Variants in NFASC observed in about 807,000 individuals in gnomAD.
The protein encoded by NFASC is neurofascin, also known as neurofascin homolog.
NFASC carries 43 observed loss-of-function variants against 147.5 expected under a neutral mutation model. The ratio of observed to expected loss-of-function variants is 0.29; its 90% CI spans 0.23 to 0.38. The LOEUF is 0.38. Ranked by LOEUF, NFASC falls within the 10% of genes least tolerant of loss-of-function variation. NFASC has a pLI of 1.00. For missense variants in NFASC, 1,320 were observed against 1,689.0 expected (o/e 0.78, Z 3.83); for synonymous variants, 622 against 665.5 (o/e 0.93, Z 1.01).
chr1:204,909,881 C>T (rs2086928819), intron 1 of NFASC, among the ~76,000 whole-genome samples: 1 of 151,758 alleles, frequency 6.6e-6, no homozygotes, highest in Non-Finnish European at 1.5e-5. Flanking sequence ...TATCAAAAAT[C>T]AGTTAAGTAT....
intron 1 of NFASC, among the ~76,000 whole-genome samples, chr1:204,848,849 A>G (rs1182662046): frequency 6.6e-6 from 1 of 152,232 alleles, no homozygotes; most frequent in African/African-American, 2.4e-5. Flanking sequence ...GCTTAGAAGC[A>G]AAGCGTTCAT....
intron 1 of NFASC, among the ~76,000 whole-genome samples, chr1:204,877,240 T>G (rs558037928): frequency 3.2e-4 from 49 of 151,536 alleles, no homozygotes; most frequent in African/African-American, 1.1e-3. Flanking sequence ...TACATACATC[T>G]CATGTTCACT....
intron 11 of NFASC, among the ~76,000 whole-genome samples, chr1:204,973,011 C>A (rs1339162140): frequency 6.6e-6 from 1 of 152,226 alleles, no homozygotes; most frequent in African/African-American, 2.4e-5. Flanking sequence ...CTCTCAACCA[C>A]AACTGCCCAA....
chr1:204,844,987 G>A (rs1191305144), intron 1 of NFASC, among the ~76,000 whole-genome samples: 1 of 152,110 alleles, frequency 6.6e-6, no homozygotes, highest in Admixed American at 6.5e-5. Flanking sequence ...GAAGAGAAAG[G>A]AATGTGCTTA....
chr1:204,970,196 T>C (rs907774931), intron 10 of NFASC, among the ~76,000 whole-genome samples: 1 of 150,972 alleles, frequency 6.6e-6, no homozygotes, highest in Non-Finnish European at 1.5e-5. Flanking sequence ...AGGGACCAAC[T>C]CAGTGCCCAC....
At chr1:204,864,477 C>T (rs1030119784) in intron 1 of NFASC, among the ~76,000 whole-genome samples, 2 of 152,214 alleles carry the variant, frequency 1.3e-5, no homozygotes, top group South Asian at 4.1e-4. Context: ...TTTACATTCC[C>T]ATCCAGCAGT....
intron 1 of NFASC, among the ~76,000 whole-genome samples, chr1:204,906,874 G>A (rs548143694): frequency 2.0e-5 from 3 of 152,102 alleles, no homozygotes; most frequent in Admixed American, 6.5e-5. Flanking sequence ...TAGTAGAGAC[G>A]GGGTTTCACC....
chr1:204,970,024 C>T (rs1420214331), intron 10 of NFASC, among the ~76,000 whole-genome samples: 2 of 139,658 alleles, frequency 1.4e-5, no homozygotes, highest in African/African-American at 2.7e-5. Flanking sequence ...TGCAGTGAGC[C>T]AAGATTGCGC....
intron 2 of NFASC, among the ~76,000 whole-genome samples, chr1:204,939,037 G>T (rs2625216): frequency 0.16 from 10,501 of 65,224 alleles, 743 homozygotes; most frequent in African/African-American, 0.3. Context: ...TGTATGGATG[G>T]ATGTGTGTGT....
chr1:204,944,557 C>G (rs2093586476), intron 3 of NFASC, 151 bp downstream of exon 3: 1 of 696,068 alleles, frequency 1.4e-6, no homozygotes, highest in Non-Finnish European at 2.3e-6. Flanking sequence ...GGGTTTCTCT[C>G]CAAAGAATTG....
chr1:204,991,339 G>A (rs1273569182), intron 24 of NFASC, 33 bp downstream of exon 24: 1 of 1,608,764 alleles, frequency 6.2e-7, no homozygotes. Flanking sequence ...AATGGGCATG[G>A]CATGGGGCAG....
chr1:204,997,034 C>A, intron 24 of NFASC, 136 bp from the exon 25 acceptor site: 1 of 1,357,412 alleles, frequency 7.4e-7, no homozygotes. Flanking sequence ...TGACCCAGTC[C>A]GTTATGCTTG....
chr1:205,017,607 G>A lies in NFASC; in HGVS notation c.*1068G>A, dbSNP rs1266626585. ...CCCATGCTGCCACCCTCGAGGAGAT[G>A]GAACCCTGTGATGCAAAAGCTTTGC... On this transcript the variant is annotated 3_prime_UTR_variant, in exon 30 of 30. Coordinates refer to ENST00000339876, the MANE Select transcript of NFASC (RefSeq NM_001005388.3). 3.3e-5 allele frequency: 5 copies of A among 152,740 alleles called. No homozygotes were observed. Among genetic ancestry groups the A allele is most frequent in the Non-Finnish European group, 7.3e-5 (5 of 68,110 alleles). 9.5% of individuals were successfully genotyped at this position (152,740 alleles called of 1,614,324 possible).
At chr1:204,895,509 G>A (rs1303242630) in intron 1 of NFASC, among the ~76,000 whole-genome samples, 2 of 152,292 alleles carry the variant, frequency 1.3e-5, no homozygotes, top group East Asian at 1.9e-4. Context: ...CATTCTCACA[G>A]CTTTTACTCA....
chr1:204,981,442 GAGA>G (rs1316435992), intron 20 of NFASC, among the ~76,000 whole-genome samples: 1 of 152,278 alleles, frequency 6.6e-6, no homozygotes, highest in Non-Finnish European at 1.5e-5. Flanking sequence ...TCTGACTTTG[GAGA>G]AGTTTACCTT....
rs147660278 is a variant in NFASC at position 204,971,251 on chromosome 1, G to C, written c.1135+504G>C. ...ATGAGGAAGAACTGCCCCCAGAAGA[G>C]CAGATGTACAAGTGCACTTTATCGA... is the stretch of plus-strand genomic sequence containing the variant. On this transcript the variant is annotated intron_variant, in intron 11 of 29. Transcript: ENST00000339876. Among the ~76,000 whole-genome samples, 967 of 152,320 alleles carry C rather than the reference G, an allele frequency of 6.3e-3. 14 individuals are homozygous for C. The highest frequency in any genetic ancestry group is 0.022 in the African/African-American group (914 of 41,548).
At chr1:204,837,903 G>T (rs1170045175) in intron 1 of NFASC, among the ~76,000 whole-genome samples, 1 of 152,134 alleles carries the variant, frequency 6.6e-6, no homozygotes, top group Non-Finnish European at 1.5e-5. Flanking sequence ...GGCTAAGATG[G>T]CCCACTTTGT....
At chr1:204,924,315 GT>G (rs1167831074) in intron 2 of NFASC, among the ~76,000 whole-genome samples, 1 of 152,232 alleles carries the variant, frequency 6.6e-6, no homozygotes, top group East Asian at 1.9e-4. Context: ...GAAGGAACAG[GT>G]GCTGCTCCCT....
At position 204,979,178 on chromosome 1, in the gene NFASC, C is replaced by A; in HGVS notation, c.1978+109C>A. The A allele has an allele frequency of 9.9e-7, 1 of 1,013,482 alleles. No homozygotes were observed. The highest frequency in any genetic ancestry group is 1.5e-6 in the Non-Finnish European group (1 of 674,736). The allele number at this position is 1,013,482 out of a possible 1,614,324, so 62.8% of individuals were successfully genotyped here. ...CACTTCTGCCTCGCTTGATGTGTGT[C>A]CTGGGCTAACCTCAGAATGTACAGA... is the stretch of plus-strand genomic sequence containing the variant. On this transcript the variant is annotated intron_variant, in intron 18 of 29. Transcript: ENST00000339876. The surrounding 1 kb of genome is among the most constrained non-coding windows in gnomAD (Gnocchi z 6.0).
Sources: allele counts gnomAD v4.1 joint callset (sites outside exome capture counted in the v4.1 genomes callset), GRCh38; gene constraint gnomAD v4.1.1; non-coding constraint Gnocchi (gnomAD v3.1); transcripts MANE v1.5; gene names NCBI Gene and HGNC (gene_info 2026-07-23, HGNC 2026-07-21).